The following MED28 variants were observed in gnomAD, a reference collection of about 807,000 sequenced individuals.
The protein encoded by MED28 is mediator of RNA polymerase II transcription subunit 28.
MED28 carries 26 observed loss-of-function variants against 21.3 expected under a neutral mutation model. The ratio of observed to expected loss-of-function variants is 1.22; its 90% CI spans 0.89 to 1.69. MED28 has a LOEUF of 1.69. Ranked by LOEUF, MED28 falls within the 40% of genes most tolerant of loss-of-function variation. MED28 has a pLI of 0.00. For synonymous variants in MED28, 110 were observed against 87.6 expected (o/e 1.26, Z -1.43); for missense variants, 257 against 215.4 (o/e 1.19, Z -1.21).
intron 1 of MED28, among the ~76,000 whole-genome samples, chr4:17,617,764 G>C (rs143870130): frequency 0.016 from 2,357 of 152,012 alleles, 59 homozygotes; most frequent in African/African-American, 0.049. Flanking sequence ...AAAAATTAGT[G>C]GTCTCTGGTG....
At chr4:17,621,812 T>C in intron 3 of MED28, 113 bp downstream of exon 3, 2 of 736,004 alleles carry the variant, frequency 2.7e-6, no homozygotes. Context: ...TCAGGCTTTA[T>C]AGGTCAGTGT....
chr4:17,616,472 C>T (rs956810115), intron 1 of MED28, among the ~76,000 whole-genome samples: 4 of 152,238 alleles, frequency 2.6e-5, no homozygotes, highest in Admixed American at 2.6e-4. Context: ...TGCTTAAAAA[C>T]GTACAGTGGC....
chr4:17,620,080 G>C (rs1714574237), intron 2 of MED28, 113 bp downstream of exon 2: 1 of 943,288 alleles, frequency 1.1e-6, no homozygotes, highest in Admixed American at 1.9e-5. Flanking sequence ...AACATTTCAG[G>C]GACTAAAATG....
At position 17,626,421 on chromosome 4, in the gene MED28, A is replaced by G. The variant is rs956675268; in HGVS notation, c.*2623A>G. ...AGGTTAGTCTTTAACCTTTGGCAGA[A>G]GCAGGATTTGAAGTGAGTTTTCACA... On this transcript the variant is annotated 3_prime_UTR_variant, in exon 4 of 4. Coordinates refer to ENST00000237380, the MANE Select transcript of MED28 (RefSeq NM_025205.5). The G allele has an allele frequency of 6.6e-6, 1 of 152,236 alleles. No homozygotes were observed. The highest frequency in any genetic ancestry group is 2.4e-5 in the African/African-American group (1 of 41,454). The allele number at this position is 152,236 out of a possible 1,614,324, so 9.4% of individuals were successfully genotyped here.
intron 2 of MED28, among the ~76,000 whole-genome samples, 186 bp from the exon 3 acceptor site, chr4:17,621,401 T>C (rs77160610): frequency 0.026 from 3,961 of 152,192 alleles, 144 homozygotes; most frequent in African/African-American, 0.085. Context: ...GCATAACTTA[T>C]CTGCTGTTTA....
chr4:17,620,091 T>C, intron 2 of MED28, 124 bp downstream of exon 2: 1 of 851,078 alleles, frequency 1.2e-6, no homozygotes, highest in South Asian at 1.5e-5. Flanking sequence ...GACTAAAATG[T>C]GTGCACATAA....
At position 17,622,167 on chromosome 4, in the gene MED28, A is replaced by G. The variant is rs576050034; in HGVS notation, c.339+468A>G. Reference sequence around the variant, plus strand: ...GTTGTTCTAAGCTAGGGCATTTGGAAGTGTGTTGGGGTTGCCACGATGACT... The same window carrying G: ...GTTGTTCTAAGCTAGGGCATTTGGAGGTGTGTTGGGGTTGCCACGATGACT... On this transcript the variant is annotated intron_variant, in intron 3 of 3. Coordinates refer to ENST00000237380, the MANE Select transcript of MED28 (RefSeq NM_025205.5). Among the ~76,000 whole-genome samples, 3 of 152,280 alleles carry G rather than the reference A, an allele frequency of 2.0e-5. No homozygotes were observed. In the East Asian group the frequency reaches 5.8e-4, roughly 29 times the overall value.
At position 17,623,887 on chromosome 4, in the gene MED28, A is replaced by G; in HGVS notation, c.*89A>G. 7.1e-7 allele frequency: 1 copy of G among 1,412,384 alleles called. No individual in the cohort carries two copies. Among genetic ancestry groups the G allele is most frequent in the Non-Finnish European group, 9.7e-7 (1 of 1,036,040 alleles). The allele number at this position is 1,412,384 out of a possible 1,614,324, so 87.5% of individuals were successfully genotyped here. A position where few individuals can be genotyped will look rare whatever the true frequency, so the allele number is the denominator to read the frequency against. ...CCTGTGGACTTGACATTTTGGAAGA[A>G]CTCTTTGCCAGATAATGAGTTCATT... On this transcript the variant is annotated 3_prime_UTR_variant, in exon 4 of 4. Transcript: ENST00000237380.
At chr4:17,622,069 A>C (rs896890522) in intron 3 of MED28, among the ~76,000 whole-genome samples, 3 of 152,260 alleles carry the variant, frequency 2.0e-5, no homozygotes, top group African/African-American at 7.2e-5. Flanking sequence ...AGTGCCTTGC[A>C]CACAGGAATC....
At chr4:17,619,994 G>A (rs749239055) in intron 2 of MED28, 27 bp downstream of exon 2, 67 of 1,601,832 alleles carry the variant, frequency 4.2e-5, no homozygotes, top group African/African-American at 5.4e-5. Context: ...TGTACACAAT[G>A]TTCTGGGCTT....
In MED28 at chr4:17,614,721, C is replaced by T. The variant is rs199700941; in HGVS notation, c.67C>T (p.Leu23Phe). ...PPGPPQAPPG[L>F]PGQASLLQAA... Reference sequence around the variant, plus strand: ...CGGTCCCCCTCAGGCCCCGCCGGGCCTTCCGGGCCAAGCTTCGCTTCTTCA... The same window carrying T: ...CGGTCCCCCTCAGGCCCCGCCGGGCTTTCCGGGCCAAGCTTCGCTTCTTCA... Residue 23 changes from leucine (L) to phenylalanine (F), a missense_variant, in exon 1 of 4, where the codon CTT becomes TTT. Coordinates refer to ENST00000237380, the MANE Select transcript of MED28 (RefSeq NM_025205.5). The T allele has an allele frequency of 2.8e-4, 447 of 1,614,258 alleles. 1 individual carries two copies. Among genetic ancestry groups the T allele is most frequent in the Middle Eastern group, 5.0e-4 (3 of 6,060 alleles).
rs964939619 is a variant in MED28 at position 17,630,737 on chromosome 4, A to G, written c.*6939A>G. On this transcript the variant is annotated 3_prime_UTR_variant, in exon 4 of 4. Coordinates refer to ENST00000237380, the MANE Select transcript of MED28 (RefSeq NM_025205.5). Reference sequence around the variant, plus strand: ...GAGCCTCGTTTTGATTAGGCAGTAAATTTACCTTTAATACGTAAGTTTGAC... The same window carrying G: ...GAGCCTCGTTTTGATTAGGCAGTAAGTTTACCTTTAATACGTAAGTTTGAC... 8 of 151,662 alleles carry G rather than the reference A, an allele frequency of 5.3e-5. No homozygotes were observed. Among genetic ancestry groups the G allele is most frequent in the African/African-American group, 1.9e-4 (8 of 41,252 alleles). The allele number at this position is 151,662 out of a possible 1,614,324, so 9.4% of individuals were successfully genotyped here.
chr4:17,620,499 A>G (rs1714591865), intron 2 of MED28, among the ~76,000 whole-genome samples: 1 of 151,776 alleles, frequency 6.6e-6, no homozygotes, highest in African/African-American at 2.4e-5. Context: ...ATACTCAGCT[A>G]ATTTTATATT....
chr4:17,620,303 T>C (rs1216681429), intron 2 of MED28, among the ~76,000 whole-genome samples: 1 of 152,124 alleles, frequency 6.6e-6, no homozygotes, highest in Non-Finnish European at 1.5e-5. Context: ...CCCCAAGTTC[T>C]GTCCCTAAAG....
In MED28 at chr4:17,629,525, A is replaced by G. The variant is rs1714863029; in HGVS notation, c.*5727A>G. 1.3e-5 allele frequency: 2 copies of G among 152,142 alleles called. No homozygotes were observed. The highest frequency in any genetic ancestry group is 6.6e-5 in the Admixed American group (1 of 15,266). 9.4% of individuals were successfully genotyped at this position (152,142 alleles called of 1,614,324 possible). On this transcript the variant is annotated 3_prime_UTR_variant, in exon 4 of 4. Transcript: ENST00000237380. ...CATTTTTACCTACCCCAATTACAAAACAGTTTGCTTTCATGTGGAACAGAT... is the reference window on the plus strand; with the variant it reads ...CATTTTTACCTACCCCAATTACAAAGCAGTTTGCTTTCATGTGGAACAGAT...
At position 17,625,727 on chromosome 4, in the gene MED28, C is replaced by T; in HGVS notation, c.*1929C>T. On this transcript the variant is annotated 3_prime_UTR_variant, in exon 4 of 4. Transcript: ENST00000237380. ...GCTAACTTTTTCAGGGAGAAAATCA[C>T]AAGCCATCTTCTCAAGTTCCCCTAG... The T allele has an allele frequency of 2.3e-6, 1 of 435,528 alleles. No homozygotes were observed. The highest frequency in any genetic ancestry group is 1.6e-5 in the South Asian group (1 of 61,260). 27.0% of individuals were successfully genotyped at this position (435,528 alleles called of 1,614,324 possible). A position where few individuals can be genotyped will look rare whatever the true frequency, so the allele number is the denominator to read the frequency against.
At position 17,631,514 on chromosome 4, in the gene MED28, G is replaced by C. The variant is rs1159823830; in HGVS notation, c.*7716G>C. The C allele has an allele frequency of 6.6e-6, 1 of 152,196 alleles. No homozygotes were observed. Among genetic ancestry groups the C allele is most frequent in the Non-Finnish European group, 1.5e-5 (1 of 68,052 alleles). 9.4% of individuals were successfully genotyped at this position (152,196 alleles called of 1,614,324 possible). ...AGATAATCTAGAGACCTTCACAAGT[G>C]ATCATGTTGGCACTATGGTCATTAC... is the stretch of plus-strand genomic sequence containing the variant. On this transcript the variant is annotated 3_prime_UTR_variant, in exon 4 of 4. Transcript: ENST00000237380.
chr4:17,614,847 C>T (rs774769631), intron 1 of MED28, 34 bp downstream of exon 1: 3 of 1,556,542 alleles, frequency 1.9e-6, no homozygotes, highest in South Asian at 2.4e-5. Context: ...TGTCCCTAGC[C>T]TTCCCTTTTT....
chr4:17,628,862 T>G lies in MED28; in HGVS notation c.*5064T>G, dbSNP rs927027589. 1 of 152,336 alleles carries G rather than the reference T, an allele frequency of 6.6e-6. No individual in the cohort carries two copies. The highest frequency in any genetic ancestry group is 1.5e-5 in the Non-Finnish European group (1 of 68,218). The allele number at this position is 152,336 out of a possible 1,614,324, so 9.4% of individuals were successfully genotyped here. A position where few individuals can be genotyped will look rare whatever the true frequency, so the allele number is the denominator to read the frequency against. Reference sequence around the variant, plus strand: ...CCACCAGTGGTACCCTGGGAAAATATCCCTGTGGAGGGGAATGGGAGGAGT... The same window carrying G: ...CCACCAGTGGTACCCTGGGAAAATAGCCCTGTGGAGGGGAATGGGAGGAGT... On this transcript the variant is annotated 3_prime_UTR_variant, in exon 4 of 4. Coordinates refer to ENST00000237380, the MANE Select transcript of MED28 (RefSeq NM_025205.5).
Sources: allele counts gnomAD v4.1 joint callset (sites outside exome capture counted in the v4.1 genomes callset), GRCh38; gene constraint gnomAD v4.1.1; transcripts MANE v1.5; gene names NCBI Gene and HGNC (gene_info 2026-07-23, HGNC 2026-07-21).